GAN: variants seen among roughly 807,000 people sequenced by gnomAD.
The protein encoded by GAN is epididymis secretory sperm binding protein.
A neutral mutation model predicts 71.3 loss-of-function variants in GAN; 48 were observed. The ratio of observed to expected loss-of-function variants is 0.67; its 90% CI spans 0.53 to 0.86. The LOEUF (loss-of-function observed/expected upper bound fraction) is 0.86, where lower values mean the gene tolerates loss of function less well. Ranked by LOEUF, GAN falls within the 40% of genes least tolerant of loss-of-function variation. The pLI is 0.00. For synonymous variants in GAN, 386 were observed against 276.8 expected (o/e 1.39, Z -3.92); for missense variants, 928 against 770.1 (o/e 1.21, Z -2.43).
intron 9 of GAN, among the ~76,000 whole-genome samples, chr16:81,369,196 A>G (rs572615412): frequency 1.4e-4 from 22 of 152,342 alleles, no homozygotes; most frequent in African/African-American, 5.3e-4. Flanking sequence ...GAATAGACAT[A>G]CTTGACAACT....
rs141627456 is a variant in GAN, at chr16:81,357,785, A to G, written c.852-25A>G. On this transcript the variant is annotated intron_variant, in intron 4 of 10. Coordinates refer to ENST00000648994, the MANE Select transcript of GAN (RefSeq NM_022041.4). ...AAGAACTGTATGAAGCACATTAACT[A>G]CTGATCACTTATTTACTTCCTTAGT... The G allele has an allele frequency of 1.1e-3, 1,724 of 1,605,796 alleles. 17 individuals are homozygous for G. In the African/African-American group the frequency reaches 0.021, roughly 20 times the overall value.
chr16:81,315,419 C>G (rs1170222201), intron 1 of GAN, 139 bp downstream of exon 1: 1 of 529,800 alleles, frequency 1.9e-6, no homozygotes, highest in South Asian at 9.3e-5. Context: ...GCGCGGCGTC[C>G]CTCCCGGCAA....
intron 1 of GAN, among the ~76,000 whole-genome samples, chr16:81,320,390 C>T (rs1443024690): frequency 6.6e-6 from 1 of 152,188 alleles, no homozygotes; most frequent in East Asian, 1.9e-4. Context: ...AACTGCATAG[C>T]CTCTTATTAG....
At chr16:81,371,938 G>C (rs2081262) in intron 9 of GAN, 101,186 of 152,064 alleles carry the variant, frequency 0.67, 33,869 homozygotes, top group East Asian at 0.87. Context: ...CTGACACTTG[G>C]AGCAACTGAG....
At chr16:81,365,681 A>G (rs962844978) in intron 9 of GAN, among the ~76,000 whole-genome samples, 2 of 151,168 alleles carry the variant, frequency 1.3e-5, no homozygotes, top group African/African-American at 2.4e-5. Flanking sequence ...TATCTCTAAT[A>G]TGTAGATGAG....
Position 81,377,632 on chromosome 16 carries a change from A to T in GAN, c.*36A>T. The T allele has an allele frequency of 1.3e-6, 2 of 1,575,390 alleles. No individual in the cohort carries two copies. Among genetic ancestry groups the T allele is most frequent in the Non-Finnish European group, 1.7e-6 (2 of 1,145,026 alleles). On this transcript the variant is annotated 3_prime_UTR_variant, in exon 11 of 11. Coordinates refer to ENST00000648994, the MANE Select transcript of GAN (RefSeq NM_022041.4). The stretch of plus-strand genomic sequence containing the variant: ...GAGCAGAGTGCGAGATCCTGACCCA[A>T]GAGCACCATAACATAGCTCCGAAAG...
chr16:81,357,937 G>A lies in GAN; in HGVS notation c.973+6G>A, dbSNP rs372665411. The A allele has an allele frequency of 1.1e-4, 170 of 1,612,878 alleles. No individual in the cohort carries two copies. In the African/African-American group the frequency reaches 1.4e-3, roughly 13 times the overall value. On this transcript the variant is annotated splice_donor_region_variant and intron_variant, in intron 5 of 10. Coordinates refer to ENST00000648994, the MANE Select transcript of GAN (RefSeq NM_022041.4). ...CCATGGAGTTCTCTCAGCAGGTACC[G>A]TTCTGTGGCAAATTTTCCTTAAACA...
intron 2 of GAN, 88 bp downstream of exon 2, chr16:81,351,785 G>A (rs897287371): frequency 2.2e-5 from 17 of 772,942 alleles, no homozygotes; most frequent in Non-Finnish European, 3.4e-5. Flanking sequence ...ATATGACAAA[G>A]TAGCACTGTC....
chr16:81,364,878 A>G, intron 7 of GAN, 96 bp from the exon 8 acceptor site: 2 of 1,232,480 alleles, frequency 1.6e-6, no homozygotes, highest in Non-Finnish European at 2.4e-6. Context: ...ACCCCTTCCT[A>G]AATCTCTTTA....
At position 81,384,751 on chromosome 16, in the gene GAN, T is replaced by C. The variant is rs1008769262; in HGVS notation, c.*7155T>C. 4 of 152,194 alleles carry C rather than the reference T, an allele frequency of 2.6e-5. No homozygotes were observed. The highest frequency in any genetic ancestry group is 4.4e-5 in the Non-Finnish European group (3 of 68,046). 9.4% of individuals were successfully genotyped at this position (152,194 alleles called of 1,614,324 possible). On this transcript the variant is annotated 3_prime_UTR_variant, in exon 11 of 11. Transcript: ENST00000648994. ...ATCATGAATGATGTGATTTGTTCCATGTATCTGTGGAACATCCCTCACCTT... is the reference window on the plus strand; with the variant it reads ...ATCATGAATGATGTGATTTGTTCCACGTATCTGTGGAACATCCCTCACCTT...
In GAN at chr16:81,372,397, G is replaced by C. The variant is rs189085400; in HGVS notation, c.1503-4822G>C. Among the ~76,000 whole-genome samples, 200 of 152,236 alleles carry C rather than the reference G, an allele frequency of 1.3e-3. 3 individuals are homozygous for C. The highest frequency in any genetic ancestry group is 1.0e-3 in the South Asian group (5 of 4,832). ...GTTGATGGTATCTGGTATCTCACTC[G>C]ACAGATGAGGAAGCAGGCTAGGATA... On this transcript the variant is annotated intron_variant, in intron 9 of 10. Transcript: ENST00000648994.
intron 1 of GAN, among the ~76,000 whole-genome samples, chr16:81,343,759 T>G (rs532285693): frequency 5.9e-5 from 9 of 152,340 alleles, no homozygotes; most frequent in African/African-American, 2.2e-4. Context: ...TATTGGAAGT[T>G]CCGGCCAGAG....
chr16:81,362,253 G>A (rs1215457683), intron 5 of GAN, among the ~76,000 whole-genome samples: 2 of 152,158 alleles, frequency 1.3e-5, no homozygotes, highest in African/African-American at 4.8e-5. Context: ...GGTGACGCCA[G>A]GCTTCCTTTT....
Position 81,364,833 on chromosome 16 carries a change from C to G in GAN, c.1237-141C>G, listed in dbSNP as rs553169612. 4 of 831,946 alleles carry G rather than the reference C, an allele frequency of 4.8e-6. No homozygotes were observed. The South Asian group carries it at 5.5e-5, about 11-fold the overall frequency. The allele number at this position is 831,946 out of a possible 1,614,324, so 51.5% of individuals were successfully genotyped here. A position where few individuals can be genotyped will look rare whatever the true frequency, so the allele number is the denominator to read the frequency against. Reference sequence around the variant, plus strand: ...CATTTTAAAGTCCGGTGTTGTAATACTGAAAAGCACCATCGTTTTACGGTT... The same window carrying G: ...CATTTTAAAGTCCGGTGTTGTAATAGTGAAAAGCACCATCGTTTTACGGTT... On this transcript the variant is annotated intron_variant, in intron 7 of 10. Coordinates refer to ENST00000648994, the MANE Select transcript of GAN (RefSeq NM_022041.4).
Position 81,314,978 on chromosome 16 carries a change from T to A in GAN, c.-136T>A. Reference sequence around the variant, plus strand: ...GCGCGCCGCGGATAGCACAGGCACGTCCCGGGGGCTCCAGCTTCTGCTCAG... The same window carrying A: ...GCGCGCCGCGGATAGCACAGGCACGACCCGGGGGCTCCAGCTTCTGCTCAG... On this transcript the variant is annotated 5_prime_UTR_variant, in exon 1 of 11. Coordinates refer to ENST00000648994, the MANE Select transcript of GAN (RefSeq NM_022041.4). 5.7e-6 allele frequency: 4 copies of A among 704,394 alleles called. No homozygotes were observed. In the East Asian group the frequency reaches 1.4e-4, roughly 25 times the overall value. 43.6% of individuals were successfully genotyped at this position (704,394 alleles called of 1,614,324 possible).
At position 81,315,008 on chromosome 16, in the gene GAN, C is replaced by T. The variant is rs1490446978; in HGVS notation, c.-106C>T. Reference sequence around the variant, plus strand: ...GGGGCTCCAGCTTCTGCTCAGAGCGCGGAGAGCCGGGCCGGGCGGGCGCGC... The same window carrying T: ...GGGGCTCCAGCTTCTGCTCAGAGCGTGGAGAGCCGGGCCGGGCGGGCGCGC... On this transcript the variant is annotated 5_prime_UTR_variant, in exon 1 of 11. Coordinates refer to ENST00000648994, the MANE Select transcript of GAN (RefSeq NM_022041.4). The T allele has an allele frequency of 5.1e-6, 5 of 978,724 alleles. No individual in the cohort carries two copies. The highest frequency in any genetic ancestry group is 6.9e-6 in the Non-Finnish European group (5 of 726,644). 60.6% of individuals were successfully genotyped at this position (978,724 alleles called of 1,614,324 possible).
chr16:81,363,174 C>T lies in GAN; in HGVS notation c.1086+563C>T, dbSNP rs562650024. Among the ~76,000 whole-genome samples, 206 of 152,386 alleles carry T rather than the reference C, an allele frequency of 1.4e-3. 3 individuals carry two copies. Among genetic ancestry groups the T allele is most frequent in the African/African-American group, 4.8e-3 (199 of 41,590 alleles). The stretch of plus-strand genomic sequence containing the variant: ...CTGACCCTGTCCTCCACAGCCCTTT[C>T]TGCCATAGTTTATACTAGCCTTTCC... On this transcript the variant is annotated intron_variant, in intron 6 of 10. Coordinates refer to ENST00000648994, the MANE Select transcript of GAN (RefSeq NM_022041.4).
rs1910303413 is a variant in GAN at position 81,351,640 on chromosome 16, T to C, written c.225T>C (p.Leu75=). The C allele has an allele frequency of 1.3e-6, 2 of 1,570,768 alleles. No individual in the cohort carries two copies. Among genetic ancestry groups the C allele is most frequent in the East Asian group, 2.2e-5 (1 of 44,684 alleles). The change falls in exon 2 of 11, where the codon CTT becomes CTC. Residue 75 remains leucine (L), a synonymous_variant. Coordinates refer to ENST00000648994, the MANE Select transcript of GAN (RefSeq NM_022041.4). ...KDDGSTYKIE[L]EGISVMVMRE... The stretch of plus-strand genomic sequence containing the variant: ...ATGGATCAACTTATAAGATTGAACT[T>C]GAAGGGATATCGGTAATGGTTATGA...
chr16:81,354,461 A>G lies in GAN; in HGVS notation c.339A>G (p.Leu113=), dbSNP rs1403123184. Residue 113 remains leucine, a synonymous_variant, in exon 3 of 11, where the codon CTA becomes CTG. Transcript: ENST00000648994. The part of the protein sequence containing the change: ...QDVVQAADLL[L]LTDLKTLCCE... The stretch of plus-strand genomic sequence containing the variant: ...TTGTTCAGGCAGCTGACCTGCTGCT[A>G]CTGACGGACCTTAAAACCCTGTGCT... 6.2e-7 allele frequency: 1 copy of G among 1,614,094 alleles called. No individual in the cohort carries two copies. The highest frequency in any genetic ancestry group is 8.5e-7 in the Non-Finnish European group (1 of 1,179,910).
Sources: gnomAD v4.1 joint callset for allele counts (sites outside exome capture counted in the v4.1 genomes callset) on GRCh38, gnomAD v4.1.1 for gene constraint, MANE v1.5 for transcripts, NCBI Gene and HGNC (gene_info 2026-07-23, HGNC 2026-07-21) for gene names.